The following FRYL variants were observed in gnomAD, a reference collection of about 807,000 sequenced individuals.
The protein encoded by FRYL is FRY like transcription coactivator.
Under a neutral mutation model 351.2 loss-of-function variants are expected in FRYL, and 150 were observed. The observed-to-expected ratio is 0.43, with a 90% CI of 0.37 to 0.49. The LOEUF (loss-of-function observed/expected upper bound fraction) is 0.49, where lower values mean the gene tolerates loss of function less well. Ranked by LOEUF, FRYL falls within the 20% of genes least tolerant of loss-of-function variation. The probability of loss-of-function intolerance (pLI) is 0.00; values close to 1 mark genes in which losing one functional copy is unlikely to be tolerated. For synonymous variants in FRYL, 1,153 were observed against 1,257.1 expected (o/e 0.92, Z 1.75); for missense variants, 3,036 against 3,619.3 (o/e 0.84, Z 4.13).
intron 25 of FRYL, 122 bp downstream of exon 25, chr4:48,574,995 A>T: frequency 1.4e-6 from 1 of 710,542 alleles, no homozygotes; most frequent in East Asian, 2.7e-5. Context: ...GGTGAAAGTC[A>T]GGCCTGGTAT....
At chr4:48,711,492 G>A (rs561707937) in intron 1 of FRYL, among the ~76,000 whole-genome samples, 33 of 152,346 alleles carry the variant, frequency 2.2e-4, no homozygotes, top group Non-Finnish European at 4.1e-4. Flanking sequence ...CAAACTGCAA[G>A]GTGGCAGCGA....
chr4:48,567,107 C>T lies in FRYL; in HGVS notation c.3169+141G>A. On this transcript the variant is annotated intron_variant, in intron 28 of 63. Transcript: ENST00000358350. The surrounding 1 kb of genome is among the most constrained non-coding windows in gnomAD (Gnocchi z 4.2). ...AATAATTCAAAGGGAAAACAAACTCCAGCCATCCAGGTTATGCTGACATAT... is the reference window on the plus strand; with the variant it reads ...AATAATTCAAAGGGAAAACAAACTCTAGCCATCCAGGTTATGCTGACATAT... 4.8e-6 allele frequency: 3 copies of T among 622,248 alleles called. No individual in the cohort carries two copies. The highest frequency in any genetic ancestry group is 7.6e-6 in the Non-Finnish European group (3 of 393,558). 38.5% of individuals were successfully genotyped at this position (622,248 alleles called of 1,614,324 possible). A position where few individuals can be genotyped will look rare whatever the true frequency, so the allele number is the denominator to read the frequency against.
At chr4:48,771,609 C>CATCTACCATCCTGTT (rs1205694942) in intron 1 of FRYL, among the ~76,000 whole-genome samples, 1 of 152,166 alleles carries the variant, frequency 6.6e-6, no homozygotes, top group African/African-American at 2.4e-5. Flanking sequence ...CACAGGGTAG[C>CATCTACCATCCTGTT]ATCTACCATC....
intron 1 of FRYL, among the ~76,000 whole-genome samples, chr4:48,749,072 G>C (rs758068210): frequency 1.3e-5 from 2 of 152,162 alleles, no homozygotes; most frequent in East Asian, 3.8e-4. Flanking sequence ...GCAAGGAAAC[G>C]GTAGGGGAAA....
intron 1 of FRYL, among the ~76,000 whole-genome samples, chr4:48,770,562 T>C (rs1013188758): frequency 6.6e-6 from 1 of 151,992 alleles, no homozygotes; most frequent in Non-Finnish European, 1.5e-5. Flanking sequence ...CTCAGCCTCC[T>C]GTGTAGCTGG....
At chr4:48,545,920 C>T (rs1358601633) in intron 42 of FRYL, 147 bp downstream of exon 42, 2 of 705,036 alleles carry the variant, frequency 2.8e-6, no homozygotes, top group Admixed American at 5.7e-5. Context: ...TGATTGCATC[C>T]TAATTTTCAA....
chr4:48,694,840 C>T (rs1004675539), intron 2 of FRYL, among the ~76,000 whole-genome samples: 1 of 152,062 alleles, frequency 6.6e-6, no homozygotes. Context: ...GGGGGGCCAA[C>T]GCAGGGGGAT....
intron 27 of FRYL, among the ~76,000 whole-genome samples, chr4:48,569,825 T>C (rs1454707681): frequency 3.3e-5 from 5 of 152,160 alleles, no homozygotes; most frequent in African/African-American, 9.7e-5. Flanking sequence ...TTTTTCCTTT[T>C]TGTTTCAAGA....
chr4:48,655,783 TTATA>T (rs1462792625), intron 3 of FRYL, among the ~76,000 whole-genome samples: 1 of 145,432 alleles, frequency 6.9e-6, no homozygotes, highest in Non-Finnish European at 1.5e-5. Flanking sequence ...ACATTCTGTA[TTATA>T]TAATCATATA....
At chr4:48,658,939 C>T (rs944773644) in intron 3 of FRYL, among the ~76,000 whole-genome samples, 3 of 152,132 alleles carry the variant, frequency 2.0e-5, no homozygotes, top group African/African-American at 7.2e-5. Flanking sequence ...ACAGTAACTA[C>T]CTATAGCATT....
intron 3 of FRYL, among the ~76,000 whole-genome samples, chr4:48,656,378 A>ATTTAT (rs1759099556): frequency 8.5e-6 from 1 of 117,160 alleles, no homozygotes; most frequent in Non-Finnish European, 1.8e-5. Context: ...TATATACTAA[A>ATTTAT]TATATAATAT....
chr4:48,732,502 A>G (rs1342409718), intron 1 of FRYL, among the ~76,000 whole-genome samples: 2 of 152,170 alleles, frequency 1.3e-5, no homozygotes, highest in Admixed American at 1.3e-4. Context: ...CACTATTCAC[A>G]ATAGCAAAGA....
At position 48,634,282 on chromosome 4, in the gene FRYL, T is replaced by C; in HGVS notation, c.120+9A>G. On this transcript the variant is annotated intron_variant, in intron 4 of 63. Coordinates refer to ENST00000358350, the MANE Select transcript of FRYL (RefSeq NM_015030.2). ...AAATATTTCAGATTTATAGGTCAGC[T>C]GTACTCACCAAGGGTTCGGCCATTA... The C allele has an allele frequency of 6.3e-7, 1 of 1,596,938 alleles. No homozygotes were observed. The highest frequency in any genetic ancestry group is 8.6e-7 in the Non-Finnish European group (1 of 1,164,396).
At position 48,710,662 on chromosome 4, in the gene FRYL, G is replaced by C. The variant is rs1183397419; in HGVS notation, c.-347C>G. On this transcript the variant is annotated 5_prime_UTR_variant, in exon 2 of 64. Transcript: ENST00000358350. The stretch of plus-strand genomic sequence containing the variant: ...ACTGGTACAAAGCAGTAGTGAGTGA[G>C]TCACCGTGTGTGAAGCAGAATATGG... 2.5e-6 allele frequency: 1 copy of C among 398,322 alleles called. No individual in the cohort carries two copies. Among genetic ancestry groups the C allele is most frequent in the Non-Finnish European group, 4.4e-6 (1 of 226,000 alleles). 24.7% of individuals were successfully genotyped at this position (398,322 alleles called of 1,614,324 possible).
Position 48,522,994 on chromosome 4 carries a change from G to T in FRYL, c.7428C>A (p.Pro2476=), listed in dbSNP as rs1725235518. 6.2e-7 allele frequency: 1 copy of T among 1,613,772 alleles called. No homozygotes were observed. Among genetic ancestry groups the T allele is most frequent in the Non-Finnish European group, 8.5e-7 (1 of 1,179,728 alleles). Residue 2476 remains proline, a synonymous_variant, in exon 54 of 64, where the codon CCC becomes CCA. Coordinates refer to ENST00000358350, the MANE Select transcript of FRYL (RefSeq NM_015030.2). ...CCTCCTGATTGGTGAGGTTCAGGCT[G>T]GGGGTGCTACTAGAGCACTGGTACT... ...LQEYQCSSST[P]SLNLTNQEDT... is the part of the protein sequence containing the mutation.
chr4:48,595,040 A>C (rs1692582344), intron 15 of FRYL, among the ~76,000 whole-genome samples: 1 of 152,226 alleles, frequency 6.6e-6, no homozygotes, highest in Non-Finnish European at 1.5e-5. Context: ...AGGAGGAGGA[A>C]GACAGGGAGA....
chr4:48,713,082 C>G (rs547521663), intron 1 of FRYL, among the ~76,000 whole-genome samples: 13 of 151,968 alleles, frequency 8.6e-5, no homozygotes, highest in Admixed American at 4.6e-4. Context: ...GAAGGAAACA[C>G]TAAACATGGA....
chr4:48,626,386 T>C (rs1751833713), intron 4 of FRYL, among the ~76,000 whole-genome samples: 1 of 152,170 alleles, frequency 6.6e-6, no homozygotes, highest in African/African-American at 2.4e-5. Flanking sequence ...CATTTTCATT[T>C]TAGTTTTTTG....
chr4:48,503,755 C>A (rs1720269753), intron 60 of FRYL, among the ~76,000 whole-genome samples: 1 of 152,134 alleles, frequency 6.6e-6, no homozygotes, highest in African/African-American at 2.4e-5. Context: ...CAAAGGTGAA[C>A]TTTAGCTCCA....
Sources: gnomAD v4.1 joint callset for allele counts (sites outside exome capture counted in the v4.1 genomes callset) on GRCh38, gnomAD v4.1.1 for gene constraint, Gnocchi (gnomAD v3.1) non-coding constraint, MANE v1.5 for transcripts, NCBI Gene and HGNC (gene_info 2026-07-23, HGNC 2026-07-21) for gene names.